Variants in MATK observed in about 807,000 individuals in gnomAD.
MATK encodes megakaryocyte-associated tyrosine kinase, also known as megakaryocyte-associated tyrosine-protein kinase.
MATK carries 41 observed loss-of-function variants against 59.8 expected under a neutral mutation model. The observed-to-expected ratio is 0.69, with a 90% confidence interval of 0.53 to 0.89. The LOEUF (loss-of-function observed/expected upper bound fraction) is 0.89. MATK is among the 40% of genes least tolerant of loss of function. The pLI, the probability that MATK is intolerant of heterozygous loss-of-function variation, is 0.00. For synonymous variants in MATK, 308 were observed against 306.1 expected (o/e 1.01, Z -0.06); for missense variants, 593 against 719.6 (o/e 0.82, Z 2.01).
In MATK at chr19:3,785,068, G is replaced by C; in HGVS notation, c.68C>G (p.Pro23Arg). Residue 23 changes from proline to arginine, a missense_variant, in exon 2 of 14, where the codon CCC becomes CGC. By Grantham distance (103) the Pro-to-Arg change is moderately radical. Transcript: ENST00000310132. ...FHGCDSAEEL[P>R]RVSPRFLRAW... ...CTGTGGGGAAGTGATCTTTACCCGG[G>C]GAAGTTCCTCAGCAGAATCACAGCC... 1 of 1,614,056 alleles carries C rather than the reference G, an allele frequency of 6.2e-7. No individual in the cohort carries two copies. Among genetic ancestry groups the C allele is most frequent in the Non-Finnish European group, 8.5e-7 (1 of 1,179,946 alleles).
chr19:3,795,041 G>A (rs2037581043), intron 1 of MATK, among the ~76,000 whole-genome samples: 1 of 135,346 alleles, frequency 7.4e-6, no homozygotes. Flanking sequence ...GCAGTGGCGT[G>A]ATCTTGGCTC....
At chr19:3,794,975 C>CTTTTTTTT (rs532158792) in intron 1 of MATK, among the ~76,000 whole-genome samples, 3 of 107,892 alleles carry the variant, frequency 2.8e-5, no homozygotes, top group African/African-American at 3.8e-5. Flanking sequence ...TTTTCTTTTG[C>CTTTTTTTT]TTTTTTTTTT....
In MATK at chr19:3,786,323, G is replaced by C. The variant is rs1008461205; in HGVS notation, c.-306C>G. ...GGGCGAAGAAGGGTCGGGGAGTGGG[G>C]GAAAGCGGGAGGCGCCGCGGCCTGG... On this transcript the variant is annotated 5_prime_UTR_variant, in exon 1 of 14. Transcript: ENST00000310132. This position sits in a 1 kb window ranked among gnomAD's most constrained non-coding sequence, Gnocchi z 4.1. The C allele has an allele frequency of 3.0e-6, 3 of 984,564 alleles. No homozygotes were observed. The African/African-American group carries it at 5.3e-5, about 17-fold the overall frequency. 61.0% of individuals were successfully genotyped at this position (984,564 alleles called of 1,614,324 possible). A position where few individuals can be genotyped will look rare whatever the true frequency, so the allele number is the denominator to read the frequency against.
chr19:3,786,235 G>A lies in MATK; in HGVS notation c.-218C>T. 8.1e-6 allele frequency: 8 copies of A among 985,290 alleles called. No individual in the cohort carries two copies. The highest frequency in any genetic ancestry group is 8.4e-6 in the Non-Finnish European group (7 of 829,932). 61.0% of individuals were successfully genotyped at this position (985,290 alleles called of 1,614,324 possible). ...CCAGGAGGGCCTCCGCGAGCCGGCT[G>A]CACACCCCGAGGCGGTCCCGGCTGC... On this transcript the variant is annotated 5_prime_UTR_variant, in exon 1 of 14. It introduces an in-frame stop codon into an upstream open reading frame of the 5' UTR. Transcript: ENST00000310132. The surrounding 1 kb of genome is among the most constrained non-coding windows in gnomAD (Gnocchi z 4.1).
Position 3,778,177 on chromosome 19 carries a change from G to A in MATK, c.*6C>T, listed in dbSNP as rs2037342830. 1.3e-6 allele frequency: 2 copies of A among 1,551,286 alleles called. No individual in the cohort carries two copies. Among genetic ancestry groups the A allele is most frequent in the Non-Finnish European group, 8.7e-7 (1 of 1,154,054 alleles). Reference sequence around the variant, plus strand: ...CCTCTGGGGCCAAGGGCCCCACCGGGTGGGGTCAGGGCTCCTGGCTTCGGG... The same window carrying A: ...CCTCTGGGGCCAAGGGCCCCACCGGATGGGGTCAGGGCTCCTGGCTTCGGG... On this transcript the variant is annotated 3_prime_UTR_variant, in exon 14 of 14. Transcript: ENST00000310132.
intron 1 of MATK, among the ~76,000 whole-genome samples, chr19:3,798,581 C>T (rs1324106936): frequency 6.6e-6 from 1 of 152,124 alleles, no homozygotes; most frequent in Admixed American, 6.6e-5. Flanking sequence ...GGCACAGTGT[C>T]AGTTCACTGC....
At chr19:3,789,171 C>T (rs1022701594), upstream of MATK, 12 of 641,006 alleles carry the variant, frequency 1.9e-5, no homozygotes, top group East Asian at 8.2e-5. Context: ...ACAGTCACTG[C>T]GGGCCCACCA....
At chr19:3,779,893 G>A in intron 8 of MATK, 96 bp from the exon 9 acceptor site, 1 of 783,230 alleles carries the variant, frequency 1.3e-6, no homozygotes, top group East Asian at 2.5e-5. Flanking sequence ...CGGTGCCCAT[G>A]TAACATTCAC....
chr19:3,779,333 G>A (rs771130003), intron 11 of MATK, 45 bp downstream of exon 11: 30 of 1,602,206 alleles, frequency 1.9e-5, no homozygotes, highest in East Asian at 9.0e-5. Flanking sequence ...TGGAATCTGC[G>A]CCCCGACGAC....
chr19:3,781,779 G>C, intron 7 of MATK, 107 bp from the exon 8 acceptor site: 1 of 879,866 alleles, frequency 1.1e-6, no homozygotes, highest in East Asian at 2.5e-5. Flanking sequence ...TGCTGCAGCT[G>C]TGGATACACA....
intron 1 of MATK, among the ~76,000 whole-genome samples, chr19:3,795,219 C>T (rs575130732): frequency 1.5e-4 from 22 of 150,894 alleles, no homozygotes; most frequent in African/African-American, 5.4e-4. Context: ...CCTCGTGATC[C>T]GCCCACCTCG....
At chr19:3,778,862 G>T in intron 12 of MATK, 130 bp downstream of exon 12, 1 of 1,017,672 alleles carries the variant, frequency 9.8e-7, no homozygotes, top group Non-Finnish European at 1.4e-6. Flanking sequence ...ACAATTATGG[G>T]CCAAGAGCTT....
chr19:3,784,597 G>A (rs1056278187), intron 3 of MATK, 146 bp from the exon 4 acceptor site: 51 of 661,202 alleles, frequency 7.7e-5, no homozygotes, highest in African/African-American at 3.1e-4. Flanking sequence ...CGCAGACATC[G>A]GGGGAAAGAA....
At chr19:3,784,567 G>C (rs79141463) in intron 3 of MATK, 116 bp from the exon 4 acceptor site, 1 of 730,004 alleles carries the variant, frequency 1.4e-6, no homozygotes, top group Non-Finnish European at 2.3e-6. Flanking sequence ...GGAAAAGAGC[G>C]GAGAGGCAGA....
intron 6 of MATK, 105 bp downstream of exon 6, chr19:3,783,709 G>T: frequency 9.8e-7 from 1 of 1,018,854 alleles, no homozygotes; most frequent in Non-Finnish European, 1.5e-6. Context: ...CTGGGGAAGG[G>T]ATGGAGGTCA....
chr19:3,783,869 C>CA lies in MATK; in HGVS notation c.526_527insT (p.Gly176ValfsTer7). ...CACGGCCTCATCGATTGTGAGGTGGCCGTCGCGGTGCAGCACGCGGTAGTG... is the reference window on the plus strand; with the variant it reads ...CACGGCCTCATCGATTGTGAGGTGGCACGTCGCGGTGCAGCACGCGGTAGTG... On this transcript the variant is annotated frameshift_variant, in exon 6 of 14. Transcript: ENST00000310132. LOFTEE classifies it high-confidence loss of function. 1 of 1,613,132 alleles carries CA rather than the reference C, an allele frequency of 6.2e-7. No homozygotes were observed. Among genetic ancestry groups the CA allele is most frequent in the Non-Finnish European group, 8.5e-7 (1 of 1,179,850 alleles).
chr19:3,786,331 G>C lies in MATK; in HGVS notation c.-314C>G, dbSNP rs11552813. 7.1e-6 allele frequency: 7 copies of C among 984,386 alleles called. No homozygotes were observed. The highest frequency in any genetic ancestry group is 8.4e-6 in the Non-Finnish European group (7 of 829,610). 61.0% of individuals were successfully genotyped at this position (984,386 alleles called of 1,614,324 possible). ...AAGGGTCGGGGAGTGGGGGAAAGCG[G>C]GAGGCGCCGCGGCCTGGGAGGCCCC... is the stretch of plus-strand genomic sequence containing the variant. On this transcript the variant is annotated 5_prime_UTR_variant, in exon 1 of 14. Coordinates refer to ENST00000310132, the MANE Select transcript of MATK (RefSeq NM_139355.3). The surrounding 1 kb of genome is among the most constrained non-coding windows in gnomAD (Gnocchi z 4.1).
At chr19:3,782,536 T>C (rs1292852585) in intron 7 of MATK, among the ~76,000 whole-genome samples, 1 of 152,090 alleles carries the variant, frequency 6.6e-6, no homozygotes, top group Non-Finnish European at 1.5e-5. Flanking sequence ...CTCAGAGGCA[T>C]GAAGAAAACG....
chr19:3,779,508 C>CG (rs2066769), intron 10 of MATK, 25 bp downstream of exon 10: 66,438 of 1,610,896 alleles, frequency 0.041, 1,633 homozygotes, highest in Middle Eastern at 0.065. Context: ...GCGTGGGCCC[C>CG]CTCCCCGCCT....
Sources: gnomAD v4.1 joint callset for allele counts (sites outside exome capture counted in the v4.1 genomes callset) on GRCh38, gnomAD v4.1.1 for gene constraint, Gnocchi (gnomAD v3.1) non-coding constraint, MANE v1.5 for transcripts, NCBI Gene and HGNC (gene_info 2026-07-23, HGNC 2026-07-21) for gene names.